RBPMS: variants seen among roughly 807,000 people sequenced by gnomAD.
The protein encoded by RBPMS is RNA binding protein, mRNA processing factor.
A neutral mutation model predicts 26.8 loss-of-function variants in RBPMS; 7 were observed. That is an observed-to-expected ratio of 0.26 (90% CI 0.15 to 0.49). The LOEUF (loss-of-function observed/expected upper bound fraction) is 0.49. Among genes scored for constraint, RBPMS ranks in the 20% least tolerant of loss-of-function variants. The pLI is 0.98. For missense variants in RBPMS, 186 were observed against 250.0 expected (o/e 0.74, Z 1.73); for synonymous variants, 96 against 93.3 (o/e 1.03, Z -0.17).
In RBPMS at chr8:30,477,790, T is replaced by C. The variant is rs1159955291; in HGVS notation, c.145-9T>C. The stretch of plus-strand genomic sequence containing the variant: ...CTTTTGGCTAAACTTGGTTTTTCTT[T>C]ATTTTCAGGGCTATGAGGGTTCTCT... On this transcript the variant is annotated splice_polypyrimidine_tract_variant and intron_variant, in intron 2 of 8. Transcript: ENST00000397323. 1.2e-6 allele frequency: 2 copies of C among 1,604,660 alleles called. No homozygotes were observed. Among genetic ancestry groups the C allele is most frequent in the Admixed American group, 1.7e-5 (1 of 59,798 alleles).
intron 4 of RBPMS, among the ~76,000 whole-genome samples, chr8:30,487,927 T>TA (rs1818967566): frequency 6.6e-6 from 1 of 152,118 alleles, no homozygotes; most frequent in Admixed American, 6.5e-5. Flanking sequence ...GGTCATTGCA[T>TA]AAAAGGATAT....
intron 4 of RBPMS, among the ~76,000 whole-genome samples, chr8:30,485,001 G>A (rs143858278): frequency 2.4e-3 from 369 of 152,296 alleles, no homozygotes; most frequent in African/African-American, 8.3e-3. Flanking sequence ...ATGGTAAAGG[G>A]AAAACAAGCA....
chr8:30,496,101 C>T (rs1410333368), intron 4 of RBPMS, among the ~76,000 whole-genome samples: 1 of 152,016 alleles, frequency 6.6e-6, no homozygotes, highest in African/African-American at 2.4e-5. Flanking sequence ...ACTTTATCTT[C>T]CTGCCTCCTG....
At chr8:30,523,061 A>T (rs1446753008) in intron 5 of RBPMS, among the ~76,000 whole-genome samples, 1 of 152,162 alleles carries the variant, frequency 6.6e-6, no homozygotes, top group African/African-American at 2.4e-5. Flanking sequence ...GCATCTCCAC[A>T]GCTGATGGTT....
chr8:30,542,995 C>G (rs1325915261), intron 5 of RBPMS, among the ~76,000 whole-genome samples: 2 of 152,200 alleles, frequency 1.3e-5, no homozygotes, highest in Non-Finnish European at 2.9e-5. Context: ...GGGCTTATTT[C>G]TCCCACCTAG....
intron 1 of RBPMS, among the ~76,000 whole-genome samples, chr8:30,428,445 G>A (rs1811594470): frequency 6.6e-6 from 1 of 151,560 alleles, no homozygotes. Flanking sequence ...AATAGATCAA[G>A]ACGCTGTCTC....
chr8:30,505,194 T>C (rs1371881636), intron 5 of RBPMS, among the ~76,000 whole-genome samples: 2 of 152,236 alleles, frequency 1.3e-5, no homozygotes, highest in African/African-American at 4.8e-5. Flanking sequence ...TCTCCTTTCA[T>C]TGCAGAGCCA....
intron 2 of RBPMS, among the ~76,000 whole-genome samples, chr8:30,477,334 T>C (rs566667846): frequency 5.2e-4 from 79 of 152,224 alleles, no homozygotes; most frequent in African/African-American, 1.3e-3. Flanking sequence ...CAGGCGTGAG[T>C]CACCGCACCC....
intron 5 of RBPMS, among the ~76,000 whole-genome samples, chr8:30,506,272 C>T (rs1224196138): frequency 6.7e-6 from 1 of 148,494 alleles, no homozygotes; most frequent in African/African-American, 2.5e-5. Context: ...CAAAAATGGC[C>T]AGATAGTTTC....
At chr8:30,555,222 G>A (rs1332212043) in intron 6 of RBPMS, among the ~76,000 whole-genome samples, 1 of 152,096 alleles carries the variant, frequency 6.6e-6, no homozygotes, top group Non-Finnish European at 1.5e-5. Context: ...CTGAGTGCTG[G>A]AGACTTACAG....
At chr8:30,413,852 C>T (rs187585249) in intron 1 of RBPMS, among the ~76,000 whole-genome samples, 198 of 152,172 alleles carry the variant, frequency 1.3e-3, no homozygotes, top group Non-Finnish European at 2.4e-3. Flanking sequence ...ACCTCATGAT[C>T]TGCCTGCCTC....
intron 6 of RBPMS, chr8:30,553,612 C>T (rs1826580422): frequency 6.6e-6 from 1 of 152,230 alleles, no homozygotes; most frequent in African/African-American, 2.4e-5. Context: ...CCTGCAGTTG[C>T]TCAGTGTTGG....
At chr8:30,455,481 G>A (rs1266465520) in intron 1 of RBPMS, among the ~76,000 whole-genome samples, 2 of 152,150 alleles carry the variant, frequency 1.3e-5, no homozygotes. Context: ...TGCATTAGGA[G>A]TACAGAAGAG....
chr8:30,505,054 C>T (rs1159438573), intron 5 of RBPMS, among the ~76,000 whole-genome samples: 2 of 152,316 alleles, frequency 1.3e-5, no homozygotes, highest in East Asian at 3.9e-4. Context: ...TTCTACCCCA[C>T]ATTAATAAGC....
chr8:30,517,520 A>G (rs1240272826), intron 5 of RBPMS, among the ~76,000 whole-genome samples: 1 of 152,212 alleles, frequency 6.6e-6, no homozygotes, highest in South Asian at 2.1e-4. Flanking sequence ...CAGAAGGTCA[A>G]GGAGATCAAA....
At chr8:30,415,975 T>C (rs1810026169) in intron 1 of RBPMS, among the ~76,000 whole-genome samples, 1 of 152,204 alleles carries the variant, frequency 6.6e-6, no homozygotes, top group Admixed American at 6.5e-5. Context: ...ATGAATCCCC[T>C]TTGTAACATT....
At chr8:30,519,446 G>A (rs1426039220) in intron 5 of RBPMS, among the ~76,000 whole-genome samples, 2 of 143,254 alleles carry the variant, frequency 1.4e-5, no homozygotes, top group Non-Finnish European at 3.0e-5. Context: ...CCCTACGTGG[G>A]AGGATCTCTC....
chr8:30,512,544 A>G (rs908146270), intron 5 of RBPMS, among the ~76,000 whole-genome samples: 4 of 151,972 alleles, frequency 2.6e-5, no homozygotes, highest in East Asian at 1.9e-4. Context: ...CAGTGGTGCA[A>G]TCATAGTCAT....
chr8:30,517,612 T>G (rs1822484444), intron 5 of RBPMS, among the ~76,000 whole-genome samples: 1 of 152,144 alleles, frequency 6.6e-6, no homozygotes, highest in South Asian at 2.1e-4. Context: ...AGCAAACATT[T>G]GAGGGGAGGT....
Sources: gnomAD v4.1 joint callset for allele counts (sites outside exome capture counted in the v4.1 genomes callset) on GRCh38, gnomAD v4.1.1 for gene constraint, MANE v1.5 for transcripts, NCBI Gene and HGNC (gene_info 2026-07-23, HGNC 2026-07-21) for gene names.